Variants in SSRP1 observed in about 807,000 individuals in gnomAD.
SSRP1 encodes the protein structure specific recognition protein 1.
SSRP1 carries 21 observed loss-of-function variants against 84.4 expected under a neutral mutation model. The observed-to-expected ratio is 0.25, with a 90% CI of 0.18 to 0.36. The LOEUF is 0.36. SSRP1 is among the 10% of genes least tolerant of loss of function. The pLI is 1.00. For missense variants in SSRP1, 519 were observed against 900.8 expected (o/e 0.58, Z 5.43); for synonymous variants, 319 against 318.3 (o/e 1.00, Z -0.02).
chr11:57,330,593 A>C lies in SSRP1; in HGVS notation c.1297-164T>G. On this transcript the variant is annotated intron_variant, in intron 10 of 16. Transcript: ENST00000278412. The surrounding 1 kb of genome is among the most constrained non-coding windows in gnomAD (Gnocchi z 4.0). ...CAACGTGCAGGGCCTATGCCCAAGT[A>C]CTTCCTGCCAACTGGGTTAGTCCAA... 1 of 1,426,580 alleles carries C rather than the reference A, an allele frequency of 7.0e-7. No homozygotes were observed. The allele number at this position is 1,426,580 out of a possible 1,614,324, so 88.4% of individuals were successfully genotyped here.
chr11:57,334,351 G>A lies in SSRP1; in HGVS notation c.240+112C>T, dbSNP rs1360329714. 3.0e-6 allele frequency: 4 copies of A among 1,312,362 alleles called. No homozygotes were observed. The Admixed American group carries it at 6.2e-5, about 20-fold the overall frequency. The allele number at this position is 1,312,362 out of a possible 1,614,324, so 81.3% of individuals were successfully genotyped here. On this transcript the variant is annotated intron_variant, in intron 3 of 16. Coordinates refer to ENST00000278412, the MANE Select transcript of SSRP1 (RefSeq NM_003146.3). ...TGATGGCCTCACAGCCCTGCTCTAA[G>A]GAGCCCAAACTAGCAATCACAGGGT...
In SSRP1 at chr11:57,326,206, A is replaced by C. The variant is rs529931230; in HGVS notation, c.*201T>G. The C allele has an allele frequency of 1.6e-5, 10 of 606,194 alleles. No homozygotes were observed. Among genetic ancestry groups the C allele is most frequent in the African/African-American group, 5.6e-5 (3 of 53,894 alleles). The allele number at this position is 606,194 out of a possible 1,614,324, so 37.6% of individuals were successfully genotyped here. The stretch of plus-strand genomic sequence containing the variant: ...CTGCCTCCCACCCTATCTCTCCCCA[A>C]ATTATAAACAGCCATCCTTGGGAAG... On this transcript the variant is annotated 3_prime_UTR_variant, in exon 17 of 17. Transcript: ENST00000278412.
At chr11:57,326,934 G>T (rs1194769715) in intron 15 of SSRP1, 45 bp from the exon 16 acceptor site, 6 of 1,513,964 alleles carry the variant, frequency 4.0e-6, no homozygotes, top group Non-Finnish European at 5.3e-6. Flanking sequence ...CAGGTCCCCT[G>T]TCACCATGAC....
At chr11:57,334,381 T>C (rs1050121738) in intron 3 of SSRP1, 82 bp downstream of exon 3, 3 of 1,521,552 alleles carry the variant, frequency 2.0e-6, no homozygotes, top group African/African-American at 2.8e-5. Context: ...CAGGGTTACA[T>C]GAGGAAGGAA....
Position 57,335,521 on chromosome 11 carries a change from C to G in SSRP1, c.-120+209G>C, listed in dbSNP as rs1856198559. The stretch of plus-strand genomic sequence containing the variant: ...CCCCAGGGTCTGCCAGGAGCCCGCA[C>G]ATCGCACGCGACCCAATCCAGCTCA... On this transcript the variant is annotated intron_variant, in intron 1 of 16. Transcript: ENST00000278412. The surrounding 1 kb of genome is among the most constrained non-coding windows in gnomAD (Gnocchi z 4.6). The G allele has an allele frequency of 1.7e-5, 5 of 296,788 alleles. No individual in the cohort carries two copies. Among genetic ancestry groups the G allele is most frequent in the South Asian group, 1.3e-4 (4 of 30,822 alleles). The allele number at this position is 296,788 out of a possible 1,614,324, so 18.4% of individuals were successfully genotyped here. A position where few individuals can be genotyped will look rare whatever the true frequency, so the allele number is the denominator to read the frequency against.
In SSRP1 at chr11:57,335,584, GCGGCCCCAGACCCA is replaced by G. The variant is rs1856200899; in HGVS notation, c.-120+132_-120+145del. 5.2e-6 allele frequency: 1 copy of G among 192,908 alleles called. No homozygotes were observed. Among genetic ancestry groups the G allele is most frequent in the Non-Finnish European group, 1.1e-5 (1 of 90,514 alleles). The allele number at this position is 192,908 out of a possible 1,614,324, so 11.9% of individuals were successfully genotyped here. A position where few individuals can be genotyped will look rare whatever the true frequency, so the allele number is the denominator to read the frequency against. On this transcript the variant is annotated intron_variant, in intron 1 of 16. Coordinates refer to ENST00000278412, the MANE Select transcript of SSRP1 (RefSeq NM_003146.3). The surrounding 1 kb of genome is among the most constrained non-coding windows in gnomAD (Gnocchi z 4.6). ...TCCCTCGCACCGCTCCCACCACCCC[GCGGCCCCAGACCCA>G]CGGTTCACCCCCGCCCCACATAATG...
chr11:57,333,297 A>G (rs369676062), intron 4 of SSRP1, 138 bp downstream of exon 4: 2 of 1,106,344 alleles, frequency 1.8e-6, no homozygotes. Flanking sequence ...TACTGTAGGT[A>G]CTCAATAAAC....
At chr11:57,334,252 GA>G (rs1429311676) in intron 3 of SSRP1, among the ~76,000 whole-genome samples, 2 of 152,182 alleles carry the variant, frequency 1.3e-5, no homozygotes, top group Non-Finnish European at 2.9e-5. Flanking sequence ...AATCAAGACA[GA>G]AGAAAATCTT....
At position 57,327,733 on chromosome 11, in the gene SSRP1, T is replaced by G; in HGVS notation, c.1761A>C (p.Gly587=). The stretch of plus-strand genomic sequence containing the variant: ...TCACCTCTTTCTTCTCTTTGGACAT[T>G]CCCTTCCAGATCTCGCCTGCCTTCT... The part of the protein sequence containing the change: ...LSKKAGEIWK[G]MSKEKKEEWD... The change falls in exon 14 of 17, where the codon GGA becomes GGC. Residue 587 remains glycine (G), a synonymous_variant. Transcript: ENST00000278412. 6.2e-7 allele frequency: 1 copy of G among 1,614,050 alleles called. No homozygotes were observed. The highest frequency in any genetic ancestry group is 2.2e-5 in the East Asian group (1 of 44,876).
rs780986183 is a variant in SSRP1, at chr11:57,333,156, G to T, written c.347-7C>A. ...TCAAAGGAAAGCAGCTGCCCTGTGA[G>T]GAAAGGGCTTATCCAGCCACAAGCT... On this transcript the variant is annotated splice_region_variant and splice_polypyrimidine_tract_variant and intron_variant, in intron 4 of 16. Coordinates refer to ENST00000278412, the MANE Select transcript of SSRP1 (RefSeq NM_003146.3). The T allele has an allele frequency of 1.5e-5, 24 of 1,602,468 alleles. No individual in the cohort carries two copies. In the Admixed American group the frequency reaches 3.7e-4, roughly 25 times the overall value.
chr11:57,333,215 C>A (rs1356588916), intron 4 of SSRP1, 66 bp from the exon 5 acceptor site: 1 of 1,518,042 alleles, frequency 6.6e-7, no homozygotes, highest in African/African-American at 1.4e-5. Context: ...AATATTCCCA[C>A]CAAACTGAGT....
In SSRP1 at chr11:57,333,426, A is replaced by C. The variant is rs918876741; in HGVS notation, c.346+9T>G. 26 of 1,611,514 alleles carry C rather than the reference A, an allele frequency of 1.6e-5. No homozygotes were observed. The highest frequency in any genetic ancestry group is 2.1e-5 in the Non-Finnish European group (25 of 1,177,880). On this transcript the variant is annotated intron_variant, in intron 4 of 16. Coordinates refer to ENST00000278412, the MANE Select transcript of SSRP1 (RefSeq NM_003146.3). ...TCCTCCCCAAACCTCAGTCTTCCCC[A>C]GGACTCACCACCAAATTTCACTGTC...
chr11:57,332,274 T>C lies in SSRP1; in HGVS notation c.879A>G (p.Glu293=), dbSNP rs1274622816. 5 of 1,613,944 alleles carry C rather than the reference T, an allele frequency of 3.1e-6. No individual in the cohort carries two copies. The South Asian group carries it at 3.3e-5, about 11-fold the overall frequency. The change falls in exon 8 of 17, where the codon GAA becomes GAG. Residue 293 remains glutamate (E), a synonymous_variant. Coordinates refer to ENST00000278412, the MANE Select transcript of SSRP1 (RefSeq NM_003146.3). This position sits in a 1 kb window ranked among gnomAD's most constrained non-coding sequence, Gnocchi z 5.5. ...ISLTLNMNEE[E]VEKRFEGRLT... is the part of the protein sequence containing the mutation. Reference sequence around the variant, plus strand: ...GCCGACCCTCAAAGCGCTTCTCCACTTCTTCCCTACAAAGAAAGCAAGGTG... The same window carrying C: ...GCCGACCCTCAAAGCGCTTCTCCACCTCTTCCCTACAAAGAAAGCAAGGTG...
chr11:57,326,493 T>C lies in SSRP1; in HGVS notation c.2059-15A>G. On this transcript the variant is annotated splice_polypyrimidine_tract_variant and intron_variant, in intron 16 of 16. Transcript: ENST00000278412. The stretch of plus-strand genomic sequence containing the variant: ...TCTTCAGAGTCCTGAAAACCAAAGG[T>C]GTCTTAAGGGAAAAGCTGGAGTCCT... 6.2e-7 allele frequency: 1 copy of C among 1,613,892 alleles called. No individual in the cohort carries two copies. Among genetic ancestry groups the C allele is most frequent in the Non-Finnish European group, 8.5e-7 (1 of 1,179,964 alleles).
Position 57,330,803 on chromosome 11 carries a change from C to A in SSRP1, c.1296+52G>T. On this transcript the variant is annotated intron_variant, in intron 10 of 16. Transcript: ENST00000278412. This position sits in a 1 kb window ranked among gnomAD's most constrained non-coding sequence, Gnocchi z 4.0. ...AGCCGGAAAAAATCTCCACCCCTTTCTCCCCTATAGAAAGACCAGGAGAGG... is the reference window on the plus strand; with the variant it reads ...AGCCGGAAAAAATCTCCACCCCTTTATCCCCTATAGAAAGACCAGGAGAGG... The A allele has an allele frequency of 2.5e-6, 4 of 1,613,504 alleles. No individual in the cohort carries two copies. Among genetic ancestry groups the A allele is most frequent in the Non-Finnish European group, 2.5e-6 (3 of 1,179,578 alleles).
Position 57,331,841 on chromosome 11 carries a change from T to C in SSRP1, c.1050A>G (p.Gly350=). The change falls in exon 9 of 17, where the codon GGA becomes GGG. Residue 350 remains glycine (G), a synonymous_variant. Transcript: ENST00000278412. ...AGCCCCGCTCCAGCGGGTAGAGCAG[T>C]CCTGAGCTTGCCTTGTAGGAACAGG... ...CITCSYKASS[G]LLYPLERGFI... 6.2e-7 allele frequency: 1 copy of C among 1,614,108 alleles called. No individual in the cohort carries two copies. The highest frequency in any genetic ancestry group is 1.7e-4 in the Middle Eastern group (1 of 6,038).
chr11:57,329,391 T>C (rs551536279), intron 12 of SSRP1: 1 of 153,002 alleles, frequency 6.5e-6, no homozygotes, highest in African/African-American at 2.4e-5. Flanking sequence ...CCCATTCTAA[T>C]AACTCAGGCT....
rs755536119 is a variant in SSRP1, at chr11:57,334,464, G to A, written c.239C>T (p.Ser80Leu). The A allele has an allele frequency of 1.1e-5, 17 of 1,613,586 alleles. No individual in the cohort carries two copies. The highest frequency in any genetic ancestry group is 3.3e-5 in the South Asian group (3 of 91,070). ...HVYKYDGFRE[S>L]EFEKLSDFFK... ...GCTTATAGCCATGGGACATCTCACC[G>A]ATTCTCGGAAGCCATCATACTTGTA... The change falls in exon 3 of 17, where the codon TCG (serine) becomes TTG (leucine). Residue 80 changes from serine (S) to leucine (L), a missense_variant and splice_region_variant. By Grantham distance (145) the Ser-to-Leu change is moderately radical. Around this residue, in one of 7 missense-constraint regions of SSRP1, gnomAD observed 88 missense variants for 122.0 expected, o/e 0.72. Transcript: ENST00000278412.
At chr11:57,329,757 A>G in intron 12 of SSRP1, 1 of 412,076 alleles carries the variant, frequency 2.4e-6, no homozygotes, top group Non-Finnish European at 4.4e-6. Flanking sequence ...GAGGAAATTG[A>G]GATTCAATGA....
Sources: gnomAD v4.1 joint callset for allele counts (sites outside exome capture counted in the v4.1 genomes callset) on GRCh38, gnomAD v4.1.1 for gene constraint, gnomAD v4.1.1 regional missense constraint, Gnocchi (gnomAD v3.1) non-coding constraint, MANE v1.5 for transcripts, NCBI Gene and HGNC (gene_info 2026-07-23, HGNC 2026-07-21) for gene names.